Variants in MRPS35 observed in about 807,000 individuals in gnomAD.
The protein encoded by MRPS35 is mitochondrial ribosomal protein S35.
MRPS35 carries 29 observed loss-of-function variants against 32.7 expected under a neutral mutation model. That is an observed-to-expected ratio of 0.89 (90% CI 0.66 to 1.21). The LOEUF (loss-of-function observed/expected upper bound fraction) is 1.21. Among genes scored for constraint, MRPS35 ranks in the 50% most tolerant of loss-of-function variants. The pLI is 0.00. For missense variants in MRPS35, 373 were observed against 383.8 expected, an observed-to-expected ratio of 0.97 and a Z score of 0.23; for synonymous variants, 148 against 139.3, an observed-to-expected ratio of 1.06 and a Z score of -0.44.
At chr12:27,724,304 C>A in intron 5 of MRPS35, 118 bp downstream of exon 5, 1 of 875,300 alleles carries the variant, frequency 1.1e-6, no homozygotes, top group Non-Finnish European at 1.6e-6. Context: ...TTTGGGAGGC[C>A]AAGGTGGGAG....
chr12:27,725,391 T>A (rs1230658043), intron 5 of MRPS35, among the ~76,000 whole-genome samples: 1 of 152,200 alleles, frequency 6.6e-6, no homozygotes, highest in African/African-American at 2.4e-5. Context: ...TTTATCTGTA[T>A]TATGGAACCT....
intron 7 of MRPS35, among the ~76,000 whole-genome samples, chr12:27,740,267 CTTT>C (rs35636242): frequency 7.0e-6 from 1 of 142,614 alleles, no homozygotes; most frequent in Admixed American, 7.0e-5. Flanking sequence ...CTTCCTTTGG[CTTT>C]TTTTTTTTTT....
chr12:27,741,378 T>C (rs911561359), intron 7 of MRPS35, among the ~76,000 whole-genome samples: 4 of 152,122 alleles, frequency 2.6e-5, no homozygotes, highest in African/African-American at 9.7e-5. Flanking sequence ...TTCCTAAGGA[T>C]TTTTGGATGG....
intron 7 of MRPS35, 67 bp downstream of exon 7, chr12:27,737,675 C>G (rs1441153696): frequency 7.8e-7 from 1 of 1,276,290 alleles, no homozygotes; most frequent in Admixed American, 1.8e-5. Context: ...TTTCAAAATA[C>G]TCTTTGTGGC....
chr12:27,738,119 A>AC (rs1476815615), intron 7 of MRPS35, among the ~76,000 whole-genome samples: 1 of 152,196 alleles, frequency 6.6e-6, no homozygotes, highest in Non-Finnish European at 1.5e-5. Flanking sequence ...AATGCTTGGG[A>AC]CCAGAAGTGT....
rs564289435 is a variant in MRPS35 at position 27,722,976 on chromosome 12, T to C, written c.383-1071T>C. Among the ~76,000 whole-genome samples, 241 of 152,352 alleles carry C rather than the reference T, an allele frequency of 1.6e-3. 2 individuals are homozygous for C. Among genetic ancestry groups the C allele is most frequent in the African/African-American group, 5.6e-3 (232 of 41,592 alleles). ...TCTCACTGCCCCTTAGACTGTCACCTAGAAGAGCTCCCACATCTGCCTGTG... is the reference window on the plus strand; with the variant it reads ...TCTCACTGCCCCTTAGACTGTCACCCAGAAGAGCTCCCACATCTGCCTGTG... On this transcript the variant is annotated intron_variant, in intron 4 of 7. Transcript: ENST00000081029.
intron 7 of MRPS35, among the ~76,000 whole-genome samples, chr12:27,740,998 C>A (rs960225699): frequency 6.6e-6 from 1 of 152,000 alleles, no homozygotes; most frequent in African/African-American, 2.4e-5. Flanking sequence ...GAAACCCCGT[C>A]TCTACTAAAA....
intron 1 of MRPS35, among the ~76,000 whole-genome samples, chr12:27,711,777 A>G (rs1039127595): frequency 6.6e-6 from 1 of 151,002 alleles, no homozygotes; most frequent in Non-Finnish European, 1.5e-5. Context: ...TGCTGCTCTC[A>G]TGTTCAAGAT....
chr12:27,749,375 T>C (rs764451568), intron 7 of MRPS35, among the ~76,000 whole-genome samples: 1 of 152,114 alleles, frequency 6.6e-6, no homozygotes, highest in East Asian at 1.9e-4. Flanking sequence ...CATTTCAAAA[T>C]TGTTATTTTT....
intron 7 of MRPS35, among the ~76,000 whole-genome samples, chr12:27,754,765 CAAAAAAAAAAA>C (rs149548847): frequency 9.7e-6 from 1 of 103,560 alleles, no homozygotes; most frequent in South Asian, 3.3e-4. Flanking sequence ...AGACCCATCT[CAAAAAAAAAAA>C]AAAAAAAAAA....
intron 7 of MRPS35, among the ~76,000 whole-genome samples, chr12:27,739,204 AG>A (rs1370963967): frequency 6.6e-6 from 1 of 152,158 alleles, no homozygotes; most frequent in Non-Finnish European, 1.5e-5. Context: ...AGCCCTCCCA[AG>A]GGGAACTTTG....
intron 5 of MRPS35, among the ~76,000 whole-genome samples, chr12:27,728,589 C>T (rs952072003): frequency 3.3e-5 from 5 of 152,090 alleles, no homozygotes; most frequent in Non-Finnish European, 5.9e-5. Context: ...TATATTTCCC[C>T]TATTGCCTTA....
At position 27,741,093 on chromosome 12, in the gene MRPS35, G is replaced by A. The variant is rs151061421; in HGVS notation, c.702+3485G>A. On this transcript the variant is annotated intron_variant, in intron 7 of 7. Coordinates refer to ENST00000081029, the MANE Select transcript of MRPS35 (RefSeq NM_021821.4). ...TGAGGCACAAGAATCGCTTGAACCC[G>A]GGAGTCGGAGGTTGCAGTGAGCCAA... Among the ~76,000 whole-genome samples the A allele has an allele frequency of 9.0e-3, 1,371 of 152,036 alleles. 18 individuals carry two copies. Among genetic ancestry groups the A allele is most frequent in the African/African-American group, 0.03 (1,227 of 41,458 alleles).
At chr12:27,727,657 A>G (rs1239969950) in intron 5 of MRPS35, among the ~76,000 whole-genome samples, 2 of 152,146 alleles carry the variant, frequency 1.3e-5, no homozygotes, top group Non-Finnish European at 2.9e-5. Flanking sequence ...TTTTGGTGTC[A>G]TATGTAAGAA....
intron 1 of MRPS35, among the ~76,000 whole-genome samples, chr12:27,713,895 C>G (rs766887759): frequency 2.0e-5 from 3 of 151,946 alleles, no homozygotes; most frequent in Non-Finnish European, 2.9e-5. Context: ...TGAGACCAGC[C>G]TGGCAACATG....
chr12:27,726,064 G>T (rs866312401), intron 5 of MRPS35, among the ~76,000 whole-genome samples: 1 of 151,100 alleles, frequency 6.6e-6, no homozygotes, highest in African/African-American at 2.5e-5. Context: ...CCTGCCTTGG[G>T]CTCCCAAAGT....
intron 7 of MRPS35, among the ~76,000 whole-genome samples, chr12:27,754,443 C>T (rs2062018243): frequency 6.6e-6 from 1 of 151,946 alleles, no homozygotes; most frequent in African/African-American, 2.4e-5. Flanking sequence ...CTCCTTGGTA[C>T]TAAAGAAGTT....
intron 6 of MRPS35, among the ~76,000 whole-genome samples, chr12:27,736,676 C>T (rs1341459886): frequency 6.6e-6 from 1 of 152,008 alleles, no homozygotes; most frequent in Admixed American, 6.6e-5. Context: ...TCGTATCTTT[C>T]TGTATATTAT....
intron 7 of MRPS35, among the ~76,000 whole-genome samples, chr12:27,753,652 T>C (rs1485968469): frequency 6.6e-6 from 1 of 152,196 alleles, no homozygotes; most frequent in Non-Finnish European, 1.5e-5. Context: ...TTAAAAGTTG[T>C]TATTCAGAAT....
Sources: allele counts gnomAD v4.1 joint callset (sites outside exome capture counted in the v4.1 genomes callset), GRCh38; gene constraint gnomAD v4.1.1; transcripts MANE v1.5; gene names NCBI Gene and HGNC (gene_info 2026-07-23, HGNC 2026-07-21).